The following ASB15 variants were observed in gnomAD, a reference collection of about 807,000 sequenced individuals.
ASB15 encodes ankyrin repeat and SOCS box containing 15.
ASB15 carries 54 observed loss-of-function variants against 58.0 expected under a neutral mutation model. The ratio of observed to expected loss-of-function variants is 0.93; its 90% CI spans 0.75 to 1.17. The LOEUF (loss-of-function observed/expected upper bound fraction) is 1.17. Ranked by LOEUF, ASB15 falls within the 50% of genes most tolerant of loss-of-function variation. The pLI is 0.00. For synonymous variants in ASB15, 249 were observed against 262.4 expected, an observed-to-expected ratio of 0.95 and a Z score of 0.50; for missense variants, 680 against 707.4, an observed-to-expected ratio of 0.96 and a Z score of 0.44.
intron 7 of ASB15, among the ~76,000 whole-genome samples, chr7:123,618,141 A>C (rs978669089): frequency 2.0e-5 from 3 of 152,200 alleles, no homozygotes; most frequent in Middle Eastern, 3.2e-3. Flanking sequence ...GATCAGGCGA[A>C]CCTGGAAGGA....
intron 8 of ASB15, 191 bp downstream of exon 8, chr7:123,625,005 T>C: frequency 1.6e-6 from 1 of 639,838 alleles, no homozygotes; most frequent in South Asian, 2.0e-5. Context: ...CTAAGCCCTA[T>C]ACATTGTGAC....
At chr7:123,614,758 T>C (rs1179317816) in intron 4 of ASB15, 149 bp downstream of exon 4, 1 of 644,700 alleles carries the variant, frequency 1.6e-6, no homozygotes, top group Non-Finnish European at 2.7e-6. Context: ...CAAGGGCCAC[T>C]GTTCATAAGT....
Position 123,614,590 on chromosome 7 carries a change from A to G in ASB15, c.88A>G (p.Thr30Ala). 1 of 1,605,402 alleles carries G rather than the reference A, an allele frequency of 6.2e-7. No homozygotes were observed. The highest frequency in any genetic ancestry group is 8.5e-7 in the Non-Finnish European group (1 of 1,172,586). ...SIQESIEASK[T>A]ALCPERFVPL... Reference sequence around the variant, plus strand: ...TCAAGAATCCATTGAAGCCAGCAAGACTGCACTTTGTCCTGAAAGGTAGTA... The same window carrying G: ...TCAAGAATCCATTGAAGCCAGCAAGGCTGCACTTTGTCCTGAAAGGTAGTA... The change falls in exon 4 of 12, where the codon ACT (threonine) becomes GCT (alanine). Residue 30 changes from threonine to alanine, a missense_variant. Thr to Ala is a moderately conservative substitution (Grantham distance 58). Transcript: ENST00000451215.
At position 123,595,313 on chromosome 7, in the gene ASB15, T is replaced by C. The variant is rs573998039; in HGVS notation, c.-442-8719T>C. On this transcript the variant is annotated intron_variant, in intron 1 of 13. Transcript: ENST00000451558. ...TGATGATCTTCACTTTCATTTGTTC[T>C]CTGGTTGATCCCTTCAACATGGCAC... is the stretch of plus-strand genomic sequence containing the variant. Among the ~76,000 whole-genome samples, 13 of 152,346 alleles carry C rather than the reference T, an allele frequency of 8.5e-5. No individual in the cohort carries two copies. In the South Asian group the frequency reaches 2.5e-3, roughly 29 times the overall value.
intron 8 of ASB15, among the ~76,000 whole-genome samples, chr7:123,626,884 C>T (rs534725145): frequency 4.6e-5 from 7 of 152,156 alleles, no homozygotes; most frequent in African/African-American, 1.4e-4. Context: ...ACTACAGGTG[C>T]ACGCCACCGT....
Position 123,595,053 on chromosome 7 carries a change from G to A in ASB15, c.-442-8979G>A, listed in dbSNP as rs146479889. On this transcript the variant is annotated intron_variant, in intron 1 of 13. Coordinates refer to the ASB15 transcript ENST00000451558. ...CCGCCAAGCTCCAGCATCCCAGGTCGATCTCAGACTGCTGCACTAGCAGCA... is the reference window on the plus strand; with the variant it reads ...CCGCCAAGCTCCAGCATCCCAGGTCAATCTCAGACTGCTGCACTAGCAGCA... Among the ~76,000 whole-genome samples, 991 of 152,312 alleles carry A rather than the reference G, an allele frequency of 6.5e-3. 8 individuals carry two copies. Among genetic ancestry groups the A allele is most frequent in the African/African-American group, 0.023 (947 of 41,572 alleles).
At chr7:123,588,425 T>TCG (rs1554385000) in intron 1 of ASB15, among the ~76,000 whole-genome samples, 1 of 151,686 alleles carries the variant, frequency 6.6e-6, no homozygotes, top group Non-Finnish European at 1.5e-5. Flanking sequence ...TTAGGCCAGC[T>TCG]AAAGTTTCGT....
intron 3 of ASB15, among the ~76,000 whole-genome samples, chr7:123,613,419 T>G (rs1800586370): frequency 6.6e-6 from 1 of 152,182 alleles, no homozygotes; most frequent in African/African-American, 2.4e-5. Flanking sequence ...CTATAGAAAT[T>G]TTATTTCTAT....
intron 1 of ASB15, among the ~76,000 whole-genome samples, chr7:123,574,756 AT>A (rs1296060205): frequency 6.6e-6 from 1 of 151,670 alleles, no homozygotes; most frequent in Non-Finnish European, 1.5e-5. Flanking sequence ...ATCAAGCAAT[AT>A]TTTTTTTCTT....
At chr7:123,591,082 A>G (rs1031263840) in intron 1 of ASB15, among the ~76,000 whole-genome samples, 5 of 152,288 alleles carry the variant, frequency 3.3e-5, no homozygotes, top group Non-Finnish European at 5.9e-5. Flanking sequence ...GAGTTCACTC[A>G]TAATTTGGCT....
At chr7:123,591,688 G>C (rs1799543022) in intron 1 of ASB15, among the ~76,000 whole-genome samples, 1 of 152,148 alleles carries the variant, frequency 6.6e-6, no homozygotes, top group South Asian at 2.1e-4. Flanking sequence ...ACGTGTTGCT[G>C]GATTCGGTTT....
At position 123,617,713 on chromosome 7, in the gene ASB15, A is replaced by T. The variant is rs1800918179; in HGVS notation, c.427A>T (p.Lys143Ter). The T allele has an allele frequency of 6.2e-7, 1 of 1,612,658 alleles. No individual in the cohort carries two copies. Among genetic ancestry groups the T allele is most frequent in the Admixed American group, 1.7e-5 (1 of 59,944 alleles). Residue 143 changes from lysine (K) to a stop codon, truncating the protein, a stop_gained, in exon 7 of 12, where the codon AAA becomes TAA. Transcript: ENST00000451215. LOFTEE classifies it high-confidence loss of function. ...AGTGTGGCCCAACACAAAAAATGAT[A>T]AAGGAGAGACCCCCCTTCTGATTGG... The part of the protein sequence containing the change: ...KGVWPNTKND[K>*]GETPLLIAVK...
At chr7:123,611,577 T>C (rs1389888620) in intron 3 of ASB15, among the ~76,000 whole-genome samples, 3 of 152,186 alleles carry the variant, frequency 2.0e-5, no homozygotes, top group Admixed American at 6.5e-5. Context: ...ATTACAGGCG[T>C]GAGCCACGGT....
intron 1 of ASB15, among the ~76,000 whole-genome samples, chr7:123,587,216 A>G (rs775281305): frequency 1.3e-5 from 2 of 151,496 alleles, no homozygotes; most frequent in African/African-American, 4.8e-5. Flanking sequence ...TCTTCTTTCA[A>G]TGTCTTTCAT....
At chr7:123,613,978 G>A (rs562321033) in intron 3 of ASB15, among the ~76,000 whole-genome samples, 20 of 152,152 alleles carry the variant, frequency 1.3e-4, no homozygotes, top group African/African-American at 3.4e-4. Context: ...TCCAGGAGGC[G>A]GAGGTTGCAG....
intron 3 of ASB15, among the ~76,000 whole-genome samples, chr7:123,613,446 C>T (rs991135725): frequency 6.6e-6 from 1 of 152,156 alleles, no homozygotes; most frequent in Non-Finnish European, 1.5e-5. Flanking sequence ...TAAATGTCCT[C>T]TCTAAATAAA....
intron 2 of ASB15, among the ~76,000 whole-genome samples, chr7:123,607,648 A>G (rs1800214659): frequency 6.6e-6 from 1 of 151,794 alleles, no homozygotes; most frequent in South Asian, 2.1e-4. Flanking sequence ...CACCACATCC[A>G]ATTAGTTTTT....
intron 1 of ASB15, among the ~76,000 whole-genome samples, chr7:123,586,891 C>G (rs1046985781): frequency 1.3e-5 from 2 of 151,490 alleles, no homozygotes; most frequent in Non-Finnish European, 3.0e-5. Context: ...GCTCTGTGCT[C>G]TCTTTTGATG....
At chr7:123,585,950 TATTAC>T (rs1363523987) in intron 1 of ASB15, among the ~76,000 whole-genome samples, 1 of 151,814 alleles carries the variant, frequency 6.6e-6, no homozygotes, top group Non-Finnish European at 1.5e-5. Context: ...GATAAATATA[TATTAC>T]ATTTTCTTTA....
Sources: gnomAD v4.1 joint callset for allele counts (sites outside exome capture counted in the v4.1 genomes callset) on GRCh38, gnomAD v4.1.1 for gene constraint, MANE v1.5 for transcripts, NCBI Gene and HGNC (gene_info 2026-07-23, HGNC 2026-07-21) for gene names.